The following PRRX1 variants were observed in gnomAD, a reference collection of about 807,000 sequenced individuals.
PRRX1 encodes paired mesoderm homeobox protein 1.
PRRX1 carries 8 observed loss-of-function variants against 24.0 expected under a neutral mutation model. The observed-to-expected ratio is 0.33, with a 90% confidence interval of 0.20 to 0.60. The LOEUF is 0.60. Ranked by LOEUF, PRRX1 falls within the 20% of genes least tolerant of loss-of-function variation. PRRX1 has a pLI of 0.82. For missense variants in PRRX1, 281 were observed against 322.4 expected (o/e 0.87, Z 0.98); for synonymous variants, 160 against 131.7 (o/e 1.22, Z -1.47).
rs1655645599 is a variant in PRRX1, at chr1:170,737,294, C to A, written c.*1108C>A. 5.4e-6 allele frequency: 1 copy of A among 186,380 alleles called. No individual in the cohort carries two copies. The highest frequency in any genetic ancestry group is 2.3e-5 in the African/African-American group (1 of 42,606). The allele number at this position is 186,380 out of a possible 1,614,324, so 11.5% of individuals were successfully genotyped here. A position where few individuals can be genotyped will look rare whatever the true frequency, so the allele number is the denominator to read the frequency against. ...GAAACATTAATTAGGGATCTTGCTG[C>A]TTTTCTTTTTCTACACGAAGTTTTC... On this transcript the variant is annotated 3_prime_UTR_variant, in exon 4 of 4. Transcript: ENST00000239461.
At chr1:170,667,750 G>A (rs554007064) in intron 1 of PRRX1, 22 of 152,268 alleles carry the variant, frequency 1.4e-4, no homozygotes, top group African/African-American at 5.1e-4. Context: ...TGTCTCCTGC[G>A]GAGAGATGGG....
chr1:170,697,657 AATATACATATATTTAT>A (rs1654214355), intron 1 of PRRX1, among the ~76,000 whole-genome samples: 1 of 148,578 alleles, frequency 6.7e-6, no homozygotes, highest in South Asian at 2.1e-4. Flanking sequence ...TGTATCTGTA[AATATACATATATTTAT>A]ATATGCATAT....
chr1:170,731,084 A>G (rs932656243), intron 3 of PRRX1, among the ~76,000 whole-genome samples: 1 of 152,258 alleles, frequency 6.6e-6, no homozygotes, highest in Non-Finnish European at 1.5e-5. Flanking sequence ...GAATTTCAAA[A>G]CAGAAGTTAG....
chr1:170,724,740 G>A (rs925653386), intron 2 of PRRX1, among the ~76,000 whole-genome samples: 3 of 152,142 alleles, frequency 2.0e-5, no homozygotes, highest in African/African-American at 7.2e-5. Flanking sequence ...TGCTCTTTTT[G>A]TTGAGGATTG....
At chr1:170,725,113 T>C (rs1438839172) in intron 2 of PRRX1, among the ~76,000 whole-genome samples, 1 of 152,112 alleles carries the variant, frequency 6.6e-6, no homozygotes, top group Non-Finnish European at 1.5e-5. Flanking sequence ...ATACTTGTGA[T>C]TTTTGCATAC....
chr1:170,665,860 C>T (rs1464970868), intron 1 of PRRX1, among the ~76,000 whole-genome samples: 1 of 152,192 alleles, frequency 6.6e-6, no homozygotes, highest in Non-Finnish European at 1.5e-5. Context: ...CATTAGCAGA[C>T]TGCTACAGGA....
intron 3 of PRRX1, among the ~76,000 whole-genome samples, chr1:170,732,196 C>T (rs1028590449): frequency 6.6e-6 from 1 of 152,132 alleles, no homozygotes; most frequent in Non-Finnish European, 1.5e-5. Context: ...TTACATGTTC[C>T]GAATGGCCCT....
In PRRX1 at chr1:170,664,370, C is replaced by T. The variant is rs1371971212; in HGVS notation, c.152C>T (p.Ala51Val). Residue 51 changes from alanine to valine, a missense_variant, in exon 1 of 4, where the codon GCA (alanine) becomes GTA (valine). By Grantham distance (64) the Ala-to-Val change is moderately conservative. Transcript: ENST00000239461. Reference sequence around the variant, plus strand: ...GAGGAAGCCGGGGACATGGTGGCGGCACAGGCGGATGAGAACGTGGGCGAG... The same window carrying T: ...GAGGAAGCCGGGGACATGGTGGCGGTACAGGCGGATGAGAACGTGGGCGAG... ...DLEEAGDMVA[A>V]QADENVGEAG... The T allele has an allele frequency of 2.5e-6, 4 of 1,613,902 alleles. No individual in the cohort carries two copies. The highest frequency in any genetic ancestry group is 1.7e-5 in the Admixed American group (1 of 60,012).
intron 1 of PRRX1, among the ~76,000 whole-genome samples, chr1:170,674,008 A>G (rs1468774662): frequency 2.0e-5 from 3 of 152,240 alleles, no homozygotes; most frequent in African/African-American, 4.8e-5. Context: ...TGAATTTCCA[A>G]ATGACAAATG....
At chr1:170,694,106 C>A (rs551891679) in intron 1 of PRRX1, among the ~76,000 whole-genome samples, 1 of 152,074 alleles carries the variant, frequency 6.6e-6, no homozygotes, top group Non-Finnish European at 1.5e-5. Context: ...TGAGTCCAAA[C>A]CCCAGGTGCA....
chr1:170,666,542 C>G (rs1652940436), intron 1 of PRRX1, among the ~76,000 whole-genome samples: 1 of 151,724 alleles, frequency 6.6e-6, no homozygotes, highest in Non-Finnish European at 1.5e-5. Context: ...ACATTTACCA[C>G]TGTTCGGATA....
chr1:170,713,770 C>T (rs896437405), intron 1 of PRRX1, among the ~76,000 whole-genome samples: 1 of 152,136 alleles, frequency 6.6e-6, no homozygotes, highest in Admixed American at 6.6e-5. Flanking sequence ...ATTCTATTTG[C>T]TAAGGCTTAG....
intron 1 of PRRX1, among the ~76,000 whole-genome samples, chr1:170,705,746 C>A (rs1180013284): frequency 6.6e-6 from 1 of 152,130 alleles, no homozygotes; most frequent in East Asian, 1.9e-4. Context: ...TAAGTCTCAG[C>A]AGTTTTAGTG....
chr1:170,705,288 AT>A (rs1458246961), intron 1 of PRRX1, among the ~76,000 whole-genome samples: 1 of 152,012 alleles, frequency 6.6e-6, no homozygotes, highest in Non-Finnish European at 1.5e-5. Context: ...TAGACATTAT[AT>A]ATACATATTT....
intron 2 of PRRX1, among the ~76,000 whole-genome samples, chr1:170,724,576 T>A (rs1468194406): frequency 1.3e-5 from 2 of 152,182 alleles, no homozygotes; most frequent in Admixed American, 1.3e-4. Flanking sequence ...TCAGGCTTGA[T>A]GAATATCAGA....
chr1:170,701,379 A>G (rs1654354878), intron 1 of PRRX1, among the ~76,000 whole-genome samples: 1 of 152,218 alleles, frequency 6.6e-6, no homozygotes, highest in Non-Finnish European at 1.5e-5. Context: ...CATTAAATAG[A>G]AAGAAAACAC....
intron 1 of PRRX1, among the ~76,000 whole-genome samples, chr1:170,673,427 C>T (rs924945218): frequency 3.9e-5 from 6 of 152,190 alleles, no homozygotes; most frequent in Non-Finnish European, 7.3e-5. Flanking sequence ...GCTCTCCATC[C>T]TTGGTGGAAC....
At chr1:170,665,420 A>T (rs951436212) in intron 1 of PRRX1, among the ~76,000 whole-genome samples, 1 of 152,212 alleles carries the variant, frequency 6.6e-6, no homozygotes, top group Non-Finnish European at 1.5e-5. Flanking sequence ...CACCCTGTTC[A>T]TCCCAGGTGA....
At chr1:170,699,584 A>G (rs1419580459) in intron 1 of PRRX1, among the ~76,000 whole-genome samples, 1 of 152,096 alleles carries the variant, frequency 6.6e-6, no homozygotes, top group Non-Finnish European at 1.5e-5. Context: ...ATTATAGTAA[A>G]AGGGGCCAGA....
Sources: gnomAD v4.1 joint callset for allele counts (sites outside exome capture counted in the v4.1 genomes callset) on GRCh38, gnomAD v4.1.1 for gene constraint, MANE v1.5 for transcripts, NCBI Gene and HGNC (gene_info 2026-07-23, HGNC 2026-07-21) for gene names.